EDARADD: variants seen among roughly 807,000 people sequenced by gnomAD.
EDARADD encodes EDAR associated via death domain.
A neutral mutation model predicts 25.6 loss-of-function variants in EDARADD; 20 were observed. The ratio of observed to expected loss-of-function variants is 0.78; its 90% CI spans 0.55 to 1.14. EDARADD has a LOEUF of 1.14. EDARADD is among the 50% of genes most tolerant of loss of function. The probability of loss-of-function intolerance (pLI) is 0.00; values close to 1 mark genes in which losing one functional copy is unlikely to be tolerated. For synonymous variants in EDARADD, 86 were observed against 94.4 expected (o/e 0.91, Z 0.52); for missense variants, 225 against 270.1 (o/e 0.83, Z 1.17).
rs6661604 is a variant in EDARADD, at chr1:236,464,361, C to T, written c.220-3870C>T. On this transcript the variant is annotated intron_variant, in intron 4 of 5. Transcript: ENST00000334232. ...AACTCCTGGGCTCAAGATCCTCTTG[C>T]CACAGCCTCCCAAAGTGCTGAGATT... Among the ~76,000 whole-genome samples the T allele has an allele frequency of 9.8e-4, 149 of 151,372 alleles. 2 individuals are homozygous for T. The highest frequency in any genetic ancestry group is 3.5e-3 in the African/African-American group (146 of 41,194).
chr1:236,477,037 T>G (rs1464772623), intron 5 of EDARADD, among the ~76,000 whole-genome samples: 1 of 136,244 alleles, frequency 7.3e-6, no homozygotes, highest in African/African-American at 3.0e-5. Context: ...TACAGAAAAT[T>G]GAAAAGTGCC....
chr1:236,441,281 A>ATT (rs1483234646), intron 4 of EDARADD, among the ~76,000 whole-genome samples: 1 of 145,048 alleles, frequency 6.9e-6, no homozygotes, highest in Non-Finnish European at 1.5e-5. Context: ...ATATATATAT[A>ATT]TTATATATAT....
chr1:236,391,906 T>G (rs373595468), upstream of EDARADD, among the ~76,000 whole-genome samples: 2 of 152,216 alleles, frequency 1.3e-5, no homozygotes, highest in South Asian at 4.1e-4. Flanking sequence ...AAACTTTCCC[T>G]GTCAATCCGA....
At chr1:236,380,952 T>C (rs1261448377) in intron 3 of EDARADD, among the ~76,000 whole-genome samples, 3 of 152,324 alleles carry the variant, frequency 2.0e-5, no homozygotes, top group Admixed American at 1.3e-4. Flanking sequence ...ATATGTCAAG[T>C]GCACAACTTG....
At chr1:236,368,440 C>CTTTTT (rs59201705) in intron 3 of EDARADD, among the ~76,000 whole-genome samples, 36 of 124,162 alleles carry the variant, frequency 2.9e-4, no homozygotes, top group East Asian at 7.0e-4. Flanking sequence ...CCAGTCTTTT[C>CTTTTT]TTTTTTTTTT....
At chr1:236,468,870 T>A (rs1482029183) in intron 5 of EDARADD, among the ~76,000 whole-genome samples, 1 of 152,050 alleles carries the variant, frequency 6.6e-6, no homozygotes, top group Non-Finnish European at 1.5e-5. Context: ...GGATTCTTCT[T>A]CCCTCTGAGT....
intron 3 of EDARADD, among the ~76,000 whole-genome samples, chr1:236,416,940 C>T (rs1201112159): frequency 6.6e-6 from 1 of 152,028 alleles, no homozygotes; most frequent in Non-Finnish European, 1.5e-5. Context: ...GGCGAAACCC[C>T]ATCTCTACAA....
In EDARADD at chr1:236,374,315, G is replaced by C. The variant is rs528081426; in HGVS notation, c.-6+23476G>C. Among the ~76,000 whole-genome samples the C allele has an allele frequency of 1.6e-4, 21 of 130,282 alleles. No homozygotes were observed. The South Asian group carries it at 5.4e-3, about 34-fold the overall frequency. 85.5% of individuals were successfully genotyped at this position (130,282 alleles called of 152,430 possible). A position where few individuals can be genotyped will look rare whatever the true frequency, so the allele number is the denominator to read the frequency against. ...CTTCCCTCCTTCCCTCCTTCTTTGAGACAGGGTCTTGCTCTGTTTCCCAGG... is the reference window on the plus strand; with the variant it reads ...CTTCCCTCCTTCCCTCCTTCTTTGACACAGGGTCTTGCTCTGTTTCCCAGG... On this transcript the variant is annotated intron_variant, in intron 3 of 7. Transcript: ENST00000439430.
At chr1:236,432,902 A>G (rs1658144441) in intron 4 of EDARADD, among the ~76,000 whole-genome samples, 1 of 151,662 alleles carries the variant, frequency 6.6e-6, no homozygotes, top group Non-Finnish European at 1.5e-5. Context: ...GCTGCACTCC[A>G]GCATGGATGA....
At chr1:236,396,425 C>A (rs1267451612) in intron 1 of EDARADD, among the ~76,000 whole-genome samples, 1 of 152,220 alleles carries the variant, frequency 6.6e-6, no homozygotes, top group Non-Finnish European at 1.5e-5. Context: ...TCAGAGTACA[C>A]TGGGGCTTTA....
intron 3 of EDARADD, among the ~76,000 whole-genome samples, chr1:236,363,030 T>TATATAAAA: frequency 9.8e-6 from 1 of 101,958 alleles, no homozygotes; most frequent in African/African-American, 3.7e-5. Context: ...TATATATATA[T>TATATAAAA]ATAAAATTTG....
intron 3 of EDARADD, among the ~76,000 whole-genome samples, chr1:236,379,893 T>C (rs1403781573): frequency 2.0e-5 from 3 of 152,218 alleles, no homozygotes; most frequent in Admixed American, 1.3e-4. Flanking sequence ...CCAAATACAA[T>C]TGAGCTAAAT....
chr1:236,368,440 C>CTTT (rs59201705), intron 3 of EDARADD, among the ~76,000 whole-genome samples: 3,634 of 124,126 alleles, frequency 0.029, 229 homozygotes, highest in African/African-American at 0.093. Context: ...CCAGTCTTTT[C>CTTT]TTTTTTTTTT....
At chr1:236,447,220 CTTTCCTTTCT>C (rs1658580188) in intron 4 of EDARADD, among the ~76,000 whole-genome samples, 1 of 34,184 alleles carries the variant, frequency 2.9e-5, no homozygotes, top group African/African-American at 8.2e-5. Context: ...TTCTTTCTTT[CTTTCCTTTCT>C]TTCCTTTCTT....
At chr1:236,390,201 A>C (rs898362004), upstream of EDARADD, among the ~76,000 whole-genome samples, 9 of 152,102 alleles carry the variant, frequency 5.9e-5, no homozygotes, top group Non-Finnish European at 2.9e-5. Flanking sequence ...GACAACCAAT[A>C]TGGTGCACTG....
intron 4 of EDARADD, among the ~76,000 whole-genome samples, chr1:236,454,197 T>C (rs73125219): frequency 0.05 from 7,674 of 152,198 alleles, 674 homozygotes; most frequent in African/African-American, 0.17. Context: ...AGGCGTATGC[T>C]ACCACACCTG....
chr1:236,405,874 C>CTTCCTTTCTTCTTTCTTTCT (rs56931070), intron 1 of EDARADD, among the ~76,000 whole-genome samples: 1 of 30,874 alleles, frequency 3.2e-5, no homozygotes, highest in Non-Finnish European at 6.2e-5. Flanking sequence ...TCCTTCCTTC[C>CTTCCTTTCTTCTTTCTTTCT]TTCTTTCTTT....
intron 5 of EDARADD, among the ~76,000 whole-genome samples, chr1:236,472,874 C>T (rs879311251): frequency 6.6e-6 from 1 of 152,098 alleles, no homozygotes; most frequent in South Asian, 2.1e-4. Flanking sequence ...AAGCTCATGC[C>T]GTTAATCTCC....
Position 236,478,359 on chromosome 1 carries a change from ATGTG to A in EDARADD, c.266-3884_266-3881del, listed in dbSNP as rs35531700. Reference sequence around the variant, plus strand: ...TAGTTTATCCAAAATCCATATATATATGTGTGTGTGTGTGTGTGTGTGTGTGTAT... The same window carrying A: ...TAGTTTATCCAAAATCCATATATATATGTGTGTGTGTGTGTGTGTGTGTAT... On this transcript the variant is annotated intron_variant, in intron 5 of 5. Coordinates refer to ENST00000334232, the MANE Select transcript of EDARADD (RefSeq NM_145861.4). Among the ~76,000 whole-genome samples the A allele has an allele frequency of 3.9e-3, 566 of 144,786 alleles. 6 individuals carry two copies. The highest frequency in any genetic ancestry group is 0.011 in the African/African-American group (439 of 38,566). 95.0% of individuals were successfully genotyped at this position (144,786 alleles called of 152,430 possible). A position where few individuals can be genotyped will look rare whatever the true frequency, so the allele number is the denominator to read the frequency against.
Sources: gnomAD v4.1 joint callset for allele counts (sites outside exome capture counted in the v4.1 genomes callset) on GRCh38, gnomAD v4.1.1 for gene constraint, MANE v1.5 for transcripts, NCBI Gene and HGNC (gene_info 2026-07-23, HGNC 2026-07-21) for gene names.